GRAMD4: variants seen among roughly 807,000 people sequenced by gnomAD.
GRAMD4 encodes the protein GRAM domain containing 4, also known as GRAM domain-containing protein 4.
GRAMD4 carries 25 observed loss-of-function variants against 83.9 expected under a neutral mutation model. The ratio of observed to expected loss-of-function variants is 0.30; its 90% CI spans 0.22 to 0.42. GRAMD4 has a LOEUF of 0.42. GRAMD4 is among the 10% of genes least tolerant of loss of function. The probability of loss-of-function intolerance (pLI) is 1.00; values close to 1 mark genes in which losing one functional copy is unlikely to be tolerated. For synonymous variants in GRAMD4, 336 were observed against 320.9 expected (o/e 1.05, Z -0.50); for missense variants, 593 against 788.7 (o/e 0.75, Z 2.97).
chr22:46,659,525 C>T lies in GRAMD4; in HGVS notation c.404+1218C>T, dbSNP rs1286667033. Among the ~76,000 whole-genome samples, 2 of 152,242 alleles carry T rather than the reference C, an allele frequency of 1.3e-5. No homozygotes were observed. Among genetic ancestry groups the T allele is most frequent in the East Asian group, 1.9e-4 (1 of 5,196 alleles). On this transcript the variant is annotated intron_variant, in intron 4 of 18. Coordinates refer to ENST00000406902, the MANE Select transcript of GRAMD4 (RefSeq NM_015124.5). The surrounding 1 kb of genome is among the most constrained non-coding windows in gnomAD (Gnocchi z 4.1). ...CCAGCTGAGCACTGCCTGCTATGAG[C>T]GCTCCGGGGGCCGTGTGTCATTGTC...
At chr22:46,606,617 G>C (rs372139812) in intron 1 of GRAMD4, among the ~76,000 whole-genome samples, 6 of 134,448 alleles carry the variant, frequency 4.5e-5, no homozygotes, top group African/African-American at 8.1e-5. Context: ...TGCTGAGCAT[G>C]TCTGCATGGG....
intron 3 of GRAMD4, among the ~76,000 whole-genome samples, chr22:46,656,795 C>T (rs1476354877): frequency 1.3e-5 from 2 of 152,256 alleles, no homozygotes; most frequent in African/African-American, 4.8e-5. Context: ...CCAGCAAACG[C>T]TCTTCTCCTG....
intron 8 of GRAMD4, 56 bp downstream of exon 8, chr22:46,664,173 C>T: frequency 1.6e-6 from 2 of 1,261,640 alleles, no homozygotes; most frequent in East Asian, 4.6e-5. Flanking sequence ...TGCCAGCATT[C>T]ACCACATGAT....
intron 13 of GRAMD4, among the ~76,000 whole-genome samples, chr22:46,670,050 G>A (rs531361282): frequency 1.7e-3 from 257 of 152,366 alleles, no homozygotes; most frequent in African/African-American, 6.1e-3. Flanking sequence ...AGGACAGCGT[G>A]TGCGGCTGTA....
chr22:46,621,881 G>A lies in GRAMD4; in HGVS notation c.-50+1316G>A, dbSNP rs2081581326. Among the ~76,000 whole-genome samples, 1 of 152,196 alleles carries A rather than the reference G, an allele frequency of 6.6e-6. No individual in the cohort carries two copies. Among genetic ancestry groups the A allele is most frequent in the Non-Finnish European group, 1.5e-5 (1 of 68,032 alleles). On this transcript the variant is annotated intron_variant, in intron 1 of 18. Transcript: ENST00000406902. The surrounding 1 kb of genome is among the most constrained non-coding windows in gnomAD (Gnocchi z 5.8). ...TTCTTAACTGACCGAAGCTTGAAAA[G>A]TCTGTCTTTTTGATGGACCCAGGGA... is the stretch of plus-strand genomic sequence containing the variant.
At chr22:46,650,554 G>A (rs890911193) in intron 3 of GRAMD4, among the ~76,000 whole-genome samples, 9 of 152,350 alleles carry the variant, frequency 5.9e-5, no homozygotes, top group Admixed American at 5.2e-4. Flanking sequence ...ATCAGAGAAC[G>A]TTCTGGGGGT....
downstream of GRAMD4, among the ~76,000 whole-genome samples, chr22:46,681,828 A>G (rs1184308782): frequency 3.9e-5 from 6 of 152,250 alleles, no homozygotes; most frequent in Admixed American, 3.9e-4. Context: ...CACATGGACC[A>G]AAGTGAGTGA....
At position 46,621,039 on chromosome 22, in the gene GRAMD4, G is replaced by A. The variant is rs1255512602; in HGVS notation, c.-50+474G>A. Among the ~76,000 whole-genome samples the A allele has an allele frequency of 6.6e-6, 1 of 151,946 alleles. No homozygotes were observed. The highest frequency in any genetic ancestry group is 1.9e-4 in the East Asian group (1 of 5,150). On this transcript the variant is annotated intron_variant, in intron 1 of 18. Coordinates refer to ENST00000406902, the MANE Select transcript of GRAMD4 (RefSeq NM_015124.5). This position sits in a 1 kb window ranked among gnomAD's most constrained non-coding sequence, Gnocchi z 5.8. ...GGCTGGTCCTGGGGAGAGCGGCTGG[G>A]CTGCAGGCTGAGGAGCTGGGCTTCC...
At chr22:46,613,502 G>C (rs918641050) in intron 1 of GRAMD4, among the ~76,000 whole-genome samples, 1 of 152,274 alleles carries the variant, frequency 6.6e-6, no homozygotes, top group Admixed American at 6.5e-5. Flanking sequence ...CCGAGCTGCT[G>C]TCGCTGTGGT....
At chr22:46,587,793 T>C in intron 1 of GRAMD4, 1 of 543,590 alleles carries the variant, frequency 1.8e-6, no homozygotes, top group Non-Finnish European at 2.3e-6. Context: ...CCCTGGAGCC[T>C]GACCTGCCTA....
At chr22:46,615,540 CCCCTGTGT>C, upstream of GRAMD4, among the ~76,000 whole-genome samples, 1 of 147,396 alleles carries the variant, frequency 6.8e-6, no homozygotes, top group Admixed American at 6.7e-5. Flanking sequence ...TGTGTAGGTT[CCCCTGTGT>C]GTAGGTTCCC....
At chr22:46,680,597 CCCACCCATTCAT>C (rs2082659352), downstream of GRAMD4, among the ~76,000 whole-genome samples, 1 of 131,656 alleles carries the variant, frequency 7.6e-6, no homozygotes, top group Non-Finnish European at 1.6e-5. Context: ...CATCCATCCA[CCCACCCATTCAT>C]CCATCCACCC....
intron 8 of GRAMD4, 129 bp downstream of exon 8, chr22:46,664,246 G>A: frequency 2.8e-6 from 2 of 708,050 alleles, no homozygotes; most frequent in South Asian, 3.2e-5. Flanking sequence ...CCAGGGACAT[G>A]CTCATTTCTC....
chr22:46,589,922 C>T (rs1333888644), intron 1 of GRAMD4, among the ~76,000 whole-genome samples: 1 of 152,190 alleles, frequency 6.6e-6, no homozygotes, highest in Non-Finnish European at 1.5e-5. Context: ...AGCTTTCTCC[C>T]TACCCCTTCA....
intron 3 of GRAMD4, among the ~76,000 whole-genome samples, chr22:46,651,836 G>A (rs920854269): frequency 4.6e-5 from 7 of 152,318 alleles, no homozygotes; most frequent in East Asian, 1.9e-4. Context: ...CTTTGAGGGC[G>A]GAGCTGGAGG....
At chr22:46,654,534 C>T (rs1159668420) in intron 3 of GRAMD4, among the ~76,000 whole-genome samples, 1 of 152,212 alleles carries the variant, frequency 6.6e-6, no homozygotes, top group Non-Finnish European at 1.5e-5. Flanking sequence ...GGGGCTCGTG[C>T]CACATGCAAG....
intron 2 of GRAMD4, among the ~76,000 whole-genome samples, chr22:46,629,897 C>T (rs2081740246): frequency 6.6e-6 from 1 of 152,210 alleles, no homozygotes; most frequent in Admixed American, 6.5e-5. Context: ...TAACATGAGG[C>T]CTCGTGTGTC....
intron 13 of GRAMD4, among the ~76,000 whole-genome samples, chr22:46,671,882 G>C (rs2082512099): frequency 6.6e-6 from 1 of 152,204 alleles, no homozygotes; most frequent in Non-Finnish European, 1.5e-5. Context: ...AGTCTGACTT[G>C]ATTGATGAAT....
intron 2 of GRAMD4, among the ~76,000 whole-genome samples, chr22:46,636,495 C>T (rs536901512): frequency 2.6e-5 from 4 of 152,346 alleles, no homozygotes; most frequent in African/African-American, 7.2e-5. Context: ...TGCTGGTTCC[C>T]GAAGCCAGCG....
Sources: allele counts gnomAD v4.1 joint callset (sites outside exome capture counted in the v4.1 genomes callset), GRCh38; gene constraint gnomAD v4.1.1; non-coding constraint Gnocchi (gnomAD v3.1); transcripts MANE v1.5; gene names NCBI Gene and HGNC (gene_info 2026-07-23, HGNC 2026-07-21).